The following KCNC2 variants were observed in gnomAD, a reference collection of about 807,000 sequenced individuals.
The protein encoded by KCNC2 is voltage-gated potassium channel KCNC2.
In KCNC2, 21 loss-of-function variants were observed where a neutral mutation model predicts 44.5. The ratio of observed to expected loss-of-function variants is 0.47; its 90% confidence interval spans 0.33 to 0.68. The LOEUF is 0.68. KCNC2 is among the 30% of genes least tolerant of loss of function. The pLI is 0.01. For missense variants in KCNC2, 589 were observed against 826.2 expected (o/e 0.71, Z 3.52); for synonymous variants, 391 against 339.1 (o/e 1.15, Z -1.68).
chr12:75,042,135 T>C lies in KCNC2; in HGVS notation c.*970A>G. ...AATAAATAAAAATAAAATAAGGGGGTAAAAAAAAGACACAAGAGCTTTGGG... is the reference window on the plus strand; with the variant it reads ...AATAAATAAAAATAAAATAAGGGGGCAAAAAAAAGACACAAGAGCTTTGGG... On this transcript the variant is annotated 3_prime_UTR_variant, in exon 5 of 5. Coordinates refer to ENST00000549446, the MANE Select transcript of KCNC2 (RefSeq NM_139137.4). 1 of 1,247,450 alleles carries C rather than the reference T, an allele frequency of 8.0e-7. No homozygotes were observed. 77.3% of individuals were successfully genotyped at this position (1,247,450 alleles called of 1,614,324 possible).
intron 2 of KCNC2, among the ~76,000 whole-genome samples, chr12:75,113,758 C>T (rs1887434192): frequency 6.6e-6 from 1 of 152,198 alleles, no homozygotes; most frequent in South Asian, 2.1e-4. Flanking sequence ...AACCTCTTAT[C>T]TATTTTGTAT....
chr12:75,127,163 G>A, intron 2 of KCNC2, among the ~76,000 whole-genome samples: 1 of 152,176 alleles, frequency 6.6e-6, no homozygotes, highest in East Asian at 1.9e-4. Context: ...AACAATCTCT[G>A]TACTGTTGCA....
chr12:75,048,578 C>T (rs1411022446), intron 3 of KCNC2, among the ~76,000 whole-genome samples: 1 of 152,070 alleles, frequency 6.6e-6, no homozygotes, highest in Admixed American at 6.6e-5. Context: ...CTGCCTTTCA[C>T]ACGACTAATA....
intron 2 of KCNC2, among the ~76,000 whole-genome samples, chr12:75,189,193 G>A (rs971637678): frequency 6.6e-6 from 1 of 152,136 alleles, no homozygotes; most frequent in African/African-American, 2.4e-5. Context: ...TGAAGACTGG[G>A]AGCTACTTTG....
intron 4 of KCNC2, chr12:75,043,473 A>G: frequency 7.7e-7 from 1 of 1,292,800 alleles, no homozygotes; most frequent in Admixed American, 3.5e-5. Context: ...ACTTCAAAAT[A>G]TATTTTTTCC....
chr12:75,192,460 G>A (rs1476821528), intron 2 of KCNC2, among the ~76,000 whole-genome samples: 1 of 152,176 alleles, frequency 6.6e-6, no homozygotes, highest in Admixed American at 6.5e-5. Flanking sequence ...TACTTTCTAT[G>A]GAGACTCAGA....
chr12:75,153,107 CA>C (rs1890520152), intron 2 of KCNC2, among the ~76,000 whole-genome samples: 1 of 151,876 alleles, frequency 6.6e-6, no homozygotes, highest in Non-Finnish European at 1.5e-5. Flanking sequence ...TTAAAGTCCA[CA>C]AAAAGTCAAC....
In KCNC2 at chr12:75,148,817, G is replaced by C. The variant is rs183337909; in HGVS notation, c.687+58480C>G. 8.2e-3 allele frequency among the ~76,000 whole-genome samples: 1,246 copies of C among 151,820 alleles called. 21 individuals carry two copies. Among genetic ancestry groups the C allele is most frequent in the Non-Finnish European group, 0.011 (717 of 67,834 alleles). ...TAGAAAAGTAATTAGTCAATATTCT[G>C]AATTCAGTTTTGTTTATTTTGTTTC... is the stretch of plus-strand genomic sequence containing the variant. On this transcript the variant is annotated intron_variant, in intron 2 of 4. Coordinates refer to ENST00000549446, the MANE Select transcript of KCNC2 (RefSeq NM_139137.4).
chr12:75,160,027 T>C (rs542056184), intron 2 of KCNC2, among the ~76,000 whole-genome samples: 39 of 151,996 alleles, frequency 2.6e-4, no homozygotes, highest in Middle Eastern at 3.4e-3. Flanking sequence ...TAGTTACCAC[T>C]ATAGGCTGAG....
At chr12:75,105,885 A>G (rs896937327) in intron 2 of KCNC2, among the ~76,000 whole-genome samples, 1 of 152,048 alleles carries the variant, frequency 6.6e-6, no homozygotes, top group Non-Finnish European at 1.5e-5. Context: ...AAGAGGATTC[A>G]TATGCATCAG....
At chr12:75,112,516 C>T (rs1196643559) in intron 2 of KCNC2, among the ~76,000 whole-genome samples, 4 of 152,060 alleles carry the variant, frequency 2.6e-5, no homozygotes, top group Non-Finnish European at 4.4e-5. Flanking sequence ...AATTATACTG[C>T]GTCCCTATTC....
chr12:75,053,068 C>T (rs564782070), intron 2 of KCNC2, among the ~76,000 whole-genome samples: 139 of 152,150 alleles, frequency 9.1e-4, no homozygotes, highest in Non-Finnish European at 1.6e-3. Flanking sequence ...AATCATTTGT[C>T]GTAACACTTA....
intron 2 of KCNC2, among the ~76,000 whole-genome samples, chr12:75,129,545 T>C (rs1455981790): frequency 6.6e-6 from 1 of 152,188 alleles, no homozygotes; most frequent in Non-Finnish European, 1.5e-5. Context: ...GTGTGTATTC[T>C]TTTGGTTCCT....
At position 75,050,401 on chromosome 12, in the gene KCNC2, T is replaced by C. The variant is rs200410459; in HGVS notation, c.1604A>G (p.His535Arg). The change falls in exon 3 of 5, where the codon CAT (histidine) becomes CGT (arginine). Residue 535 changes from histidine (H) to arginine (R), a missense_variant. Physicochemically the swap from His to Arg is conservative, Grantham distance 29. This residue lies in a region of KCNC2 where 171 missense variants were observed against 182.4 expected (regional missense o/e 0.94). Transcript: ENST00000549446. ...AAGTCCTGCCTTACCTGATCTGTTA[T>C]GTTCCAGAAGTCGATTGTCTTTGCC... ...CLGKDNRLLE[H>R]NRSVLSGDDS... The C allele has an allele frequency of 3.1e-6, 5 of 1,609,232 alleles. No homozygotes were observed. Among genetic ancestry groups the C allele is most frequent in the Admixed American group, 1.7e-5 (1 of 59,686 alleles).
chr12:75,063,738 G>C (rs1882564228), intron 2 of KCNC2, among the ~76,000 whole-genome samples: 1 of 152,046 alleles, frequency 6.6e-6, no homozygotes, highest in African/African-American at 2.4e-5. Context: ...AGATCTTTAA[G>C]TTTCTTCTTA....
chr12:75,192,950 T>G (rs1007195194), intron 2 of KCNC2, among the ~76,000 whole-genome samples: 2 of 152,172 alleles, frequency 1.3e-5, no homozygotes, highest in East Asian at 1.9e-4. Context: ...GGTGAGAAAT[T>G]TATTCATTAG....
intron 2 of KCNC2, among the ~76,000 whole-genome samples, chr12:75,120,105 A>T (rs1416486691): frequency 1.3e-5 from 2 of 152,208 alleles, no homozygotes; most frequent in African/African-American, 4.8e-5. Context: ...TGAATAAAAC[A>T]GAAGGCTAAG....
At chr12:75,166,568 A>G (rs1263569447) in intron 2 of KCNC2, among the ~76,000 whole-genome samples, 1 of 151,330 alleles carries the variant, frequency 6.6e-6, no homozygotes, top group Non-Finnish European at 1.5e-5. Flanking sequence ...TAGAGGAAAT[A>G]TAAGTCTCAA....
At chr12:75,145,213 CAA>C (rs5799212) in intron 2 of KCNC2, among the ~76,000 whole-genome samples, 1 of 142,252 alleles carries the variant, frequency 7.0e-6, no homozygotes, top group Non-Finnish European at 1.5e-5. Context: ...GGATCCTCTC[CAA>C]AAAAAAAAAG....
Sources: allele counts gnomAD v4.1 joint callset (sites outside exome capture counted in the v4.1 genomes callset), GRCh38; gene constraint gnomAD v4.1.1; regional missense constraint gnomAD v4.1.1; transcripts MANE v1.5; gene names NCBI Gene and HGNC (gene_info 2026-07-23, HGNC 2026-07-21).